RANGAP1: variants seen among roughly 807,000 people sequenced by gnomAD.
RANGAP1 encodes the protein Ran GTPase activating protein 1.
In RANGAP1, 38 loss-of-function variants were observed where a neutral mutation model predicts 63.5. That is an observed-to-expected ratio of 0.60 (90% CI 0.46 to 0.78). The LOEUF is 0.78. Among genes scored for constraint, RANGAP1 ranks in the 30% least tolerant of loss-of-function variants. RANGAP1 has a pLI of 0.00. For missense variants in RANGAP1, 630 were observed against 740.3 expected (o/e 0.85, Z 1.73); for synonymous variants, 329 against 310.5 (o/e 1.06, Z -0.63).
At chr22:41,268,632 C>T (rs1197533449) in intron 3 of RANGAP1, among the ~76,000 whole-genome samples, 1 of 152,144 alleles carries the variant, frequency 6.6e-6, no homozygotes, top group Non-Finnish European at 1.5e-5. Context: ...GGAGGCCAGT[C>T]CTCAAATCAA....
upstream of RANGAP1, among the ~76,000 whole-genome samples, chr22:41,289,685 C>T (rs1161365227): frequency 1.3e-5 from 2 of 152,174 alleles, no homozygotes; most frequent in African/African-American, 2.4e-5. Flanking sequence ...CTCCTTCCAG[C>T]CCTTTCTCCA....
chr22:41,254,601 G>A (rs1053030230), intron 10 of RANGAP1, 107 bp from the exon 11 acceptor site: 3 of 1,485,504 alleles, frequency 2.0e-6, no homozygotes, highest in Non-Finnish European at 8.9e-7. Flanking sequence ...AGGAGGGAGA[G>A]AGCCTGGTGG....
the RANGAP1 span, among the ~76,000 whole-genome samples, chr22:41,302,260 GGGGCCGCGGCGA>G: frequency 1.1e-4 from 17 of 151,834 alleles, no homozygotes; most frequent in East Asian, 2.0e-4. The surrounding 1 kb of genome is among the most constrained non-coding windows in gnomAD (Gnocchi z 5.7). Flanking sequence ...CGGAGTTGGA[GGGGCCGCGGCGA>G]GGGCCGGGGA....
At chr22:41,251,175 T>A in intron 12 of RANGAP1, 66 bp from the exon 13 acceptor site, 1 of 1,320,830 alleles carries the variant, frequency 7.6e-7, no homozygotes, top group Admixed American at 1.8e-5. Flanking sequence ...GCTCTGACGC[T>A]AGCTAGGAGA....
rs2033180392 is a variant in RANGAP1 at position 41,248,174 on chromosome 22, A to G, written c.1694+1156T>C. 2.3e-5 allele frequency among the ~76,000 whole-genome samples: 3 copies of G among 132,482 alleles called. No individual in the cohort carries two copies. In the Admixed American group the frequency reaches 2.4e-4, roughly 10 times the overall value. 86.9% of individuals were successfully genotyped at this position (132,482 alleles called of 152,430 possible). ...CTATGGAAAGGGGCTCAGGGAGAGC[A>G]CACTGTGCTGGGGTGGGGTGGGGTG... On this transcript the variant is annotated intron_variant, in intron 15 of 15. Transcript: ENST00000356244.
intron 4 of RANGAP1, among the ~76,000 whole-genome samples, chr22:41,266,139 T>G (rs1290899251): frequency 1.3e-5 from 2 of 150,886 alleles, no homozygotes; most frequent in Non-Finnish European, 2.9e-5. Flanking sequence ...GAGGCGGAGC[T>G]TGCAGTGAGC....
Position 41,274,658 on chromosome 22 carries a change from ACT to A in RANGAP1, c.180_181del (p.Val61GlyfsTer25). 6.2e-7 allele frequency: 1 copy of A among 1,614,204 alleles called. No homozygotes were observed. Among genetic ancestry groups the A allele is most frequent in the Non-Finnish European group, 8.5e-7 (1 of 1,180,018 alleles). On this transcript the variant is annotated frameshift_variant, in exon 3 of 16. Transcript: ENST00000356244. LOFTEE classifies it high-confidence loss of function. Reference sequence around the variant, plus strand: ...GATGACCCTGGCTGCTTCCACGCCCACTGTGTTGCCTTCCAGACGCAGAGCCT... The same window carrying A: ...GATGACCCTGGCTGCTTCCACGCCCAGTGTTGCCTTCCAGACGCAGAGCCT...
At chr22:41,274,062 A>T (rs932310841) in intron 3 of RANGAP1, among the ~76,000 whole-genome samples, 6 of 152,188 alleles carry the variant, frequency 3.9e-5, no homozygotes, top group Middle Eastern at 3.2e-3. Flanking sequence ...TGGACGACAG[A>T]GTGAGACTCC....
chr22:41,272,259 G>T (rs2034884819), intron 3 of RANGAP1, among the ~76,000 whole-genome samples: 1 of 152,070 alleles, frequency 6.6e-6, no homozygotes, highest in Admixed American at 6.6e-5. Context: ...TCTTTGGTTG[G>T]AAAACATCCC....
chr22:41,271,679 C>G (rs1408081652), intron 3 of RANGAP1, among the ~76,000 whole-genome samples: 1 of 148,492 alleles, frequency 6.7e-6, no homozygotes, highest in African/African-American at 2.5e-5. Context: ...GGGGACAGAG[C>G]GAGACTCCGT....
At chr22:41,253,206 G>A (rs967028382) in intron 11 of RANGAP1, among the ~76,000 whole-genome samples, 12 of 152,128 alleles carry the variant, frequency 7.9e-5, no homozygotes, top group Admixed American at 2.0e-4. Flanking sequence ...GAGCCTTTGG[G>A]GTGAGGGGGA....
upstream of RANGAP1, among the ~76,000 whole-genome samples, chr22:41,286,528 G>GT (rs1277292158): frequency 6.6e-6 from 1 of 152,250 alleles, no homozygotes; most frequent in Admixed American, 6.5e-5. Context: ...TTCCGGAAAG[G>GT]TTTTGTTCGC....
intron 6 of RANGAP1, among the ~76,000 whole-genome samples, chr22:41,260,952 G>C (rs1328078074): frequency 2.6e-5 from 4 of 152,218 alleles, no homozygotes; most frequent in Non-Finnish European, 4.4e-5. Flanking sequence ...GCAATGTCCT[G>C]CGGGGATGGG....
At chr22:41,297,524 T>C in the RANGAP1 span, among the ~76,000 whole-genome samples, 1 of 151,814 alleles carries the variant, frequency 6.6e-6, no homozygotes, top group South Asian at 2.1e-4. Flanking sequence ...TTTTTTTTTT[T>C]TTTCAAGACA....
At chr22:41,279,411 A>G (rs2035358554) in intron 2 of RANGAP1, among the ~76,000 whole-genome samples, 1 of 151,640 alleles carries the variant, frequency 6.6e-6, no homozygotes, top group Admixed American at 6.6e-5. Flanking sequence ...CAGAGCTTAC[A>G]GTGAGCCGAG....
intron 14 of RANGAP1, 38 bp downstream of exon 14, chr22:41,249,691 C>A: frequency 6.3e-7 from 1 of 1,584,852 alleles, no homozygotes; most frequent in Non-Finnish European, 8.7e-7. Flanking sequence ...AGACCCCACC[C>A]ACCTCCCTCC....
chr22:41,295,519 T>C, the RANGAP1 span, among the ~76,000 whole-genome samples: 1 of 151,426 alleles, frequency 6.6e-6, no homozygotes, highest in African/African-American at 2.4e-5. Flanking sequence ...TTAAGAGTCA[T>C]CACCACTCCC....
chr22:41,297,051 A>T, the RANGAP1 span, among the ~76,000 whole-genome samples: 1 of 152,210 alleles, frequency 6.6e-6, no homozygotes, highest in Admixed American at 6.5e-5. Context: ...TACTACCAAA[A>T]ATACAAACAT....
chr22:41,271,407 AAC>A (rs2034819345), intron 3 of RANGAP1, among the ~76,000 whole-genome samples: 1 of 150,106 alleles, frequency 6.7e-6, no homozygotes, highest in South Asian at 2.1e-4. Flanking sequence ...AAAAAAAAAA[AAC>A]AAAAACGCCG....
Sources: gnomAD v4.1 joint callset for allele counts (sites outside exome capture counted in the v4.1 genomes callset) on GRCh38, gnomAD v4.1.1 for gene constraint, Gnocchi (gnomAD v3.1) non-coding constraint, MANE v1.5 for transcripts, NCBI Gene and HGNC (gene_info 2026-07-23, HGNC 2026-07-21) for gene names.